Variants in CADPS observed in about 807,000 individuals in gnomAD.
CADPS encodes the protein calcium dependent secretion activator.
CADPS carries 57 observed loss-of-function variants against 167.3 expected under a neutral mutation model. The ratio of observed to expected loss-of-function variants is 0.34; its 90% confidence interval spans 0.28 to 0.42. The LOEUF (loss-of-function observed/expected upper bound fraction) is 0.42, where lower values mean the gene tolerates loss of function less well. CADPS is among the 20% of genes least tolerant of loss of function. The probability of loss-of-function intolerance (pLI) is 1.00; values close to 1 mark genes in which losing one functional copy is unlikely to be tolerated. For synonymous variants in CADPS, 676 were observed against 635.3 expected (o/e 1.06, Z -0.96); for missense variants, 1,414 against 1,738.1 (o/e 0.81, Z 3.32).
chr3:62,475,820 T>A lies in CADPS; in HGVS notation c.3330-1500A>T, dbSNP rs186154537. ...TGAGTTGGACAGGTCCCTGTGCTGA[T>A]CTTCTGAGGCTTGTGTGCCAGTTCC... On this transcript the variant is annotated intron_variant, in intron 23 of 29. Coordinates refer to ENST00000383710, the MANE Select transcript of CADPS (RefSeq NM_003716.4). 4.0e-3 allele frequency among the ~76,000 whole-genome samples: 607 copies of A among 152,248 alleles called. 5 individuals carry two copies. The highest frequency in any genetic ancestry group is 0.014 in the African/African-American group (566 of 41,554).
intron 28 of CADPS, among the ~76,000 whole-genome samples, chr3:62,435,666 A>ATT (rs2054858893): frequency 6.6e-6 from 1 of 151,720 alleles, no homozygotes; most frequent in Non-Finnish European, 1.5e-5. Flanking sequence ...GCTCCTGAAA[A>ATT]ATTTTTTTTT....
At chr3:62,736,304 A>G (rs1282216167) in intron 3 of CADPS, among the ~76,000 whole-genome samples, 1 of 152,216 alleles carries the variant, frequency 6.6e-6, no homozygotes, top group Non-Finnish European at 1.5e-5. Context: ...GCACGACCTG[A>G]TACCATTTCC....
intron 4 of CADPS, among the ~76,000 whole-genome samples, chr3:62,657,204 T>C (rs2071850615): frequency 6.6e-6 from 1 of 152,182 alleles, no homozygotes; most frequent in African/African-American, 2.4e-5. Context: ...GGATATTATT[T>C]CTTACTGATA....
At chr3:62,811,241 TCTC>T (rs1361681947) in intron 1 of CADPS, among the ~76,000 whole-genome samples, 3 of 151,912 alleles carry the variant, frequency 2.0e-5, no homozygotes, top group Admixed American at 6.6e-5. Context: ...TTAATTGCTC[TCTC>T]CTCTTTTTTC....
intron 1 of CADPS, among the ~76,000 whole-genome samples, chr3:62,825,085 T>C (rs188581469): frequency 2.1e-3 from 314 of 152,320 alleles, no homozygotes; most frequent in Non-Finnish European, 2.8e-3. Flanking sequence ...ACTTGTCATA[T>C]ATGCTTGATA....
intron 6 of CADPS, among the ~76,000 whole-genome samples, chr3:62,624,508 A>T (rs887226341): frequency 2.0e-5 from 3 of 152,018 alleles, no homozygotes; most frequent in Non-Finnish European, 4.4e-5. Context: ...TTTTAAAAAA[A>T]CCTATTCCAA....
chr3:62,444,048 T>C (rs1671319927), intron 27 of CADPS, among the ~76,000 whole-genome samples: 1 of 152,188 alleles, frequency 6.6e-6, no homozygotes, highest in South Asian at 2.1e-4. Flanking sequence ...TGTGGTTCAA[T>C]CTAACATAAC....
chr3:62,583,676 T>TCTCCAGCTCACAGGTGACCTTTGCTTC (rs2083947348), intron 8 of CADPS, among the ~76,000 whole-genome samples: 1 of 152,168 alleles, frequency 6.6e-6, no homozygotes, highest in African/African-American at 2.4e-5. Flanking sequence ...GAGTCACTGG[T>TCTCCAGCTCACAGGTGACCTTTGCTTC]CTCCAGCTCA....
chr3:62,690,159 A>C (rs1274644341), intron 3 of CADPS, among the ~76,000 whole-genome samples: 1 of 151,950 alleles, frequency 6.6e-6, no homozygotes, highest in Admixed American at 6.6e-5. Context: ...AAGATCTGTC[A>C]ACAATGCTGG....
intron 6 of CADPS, among the ~76,000 whole-genome samples, chr3:62,619,905 T>C (rs1312279922): frequency 6.6e-6 from 1 of 152,156 alleles, no homozygotes; most frequent in Non-Finnish European, 1.5e-5. Flanking sequence ...TTATTATTTG[T>C]GGACAGAGGC....
In CADPS at chr3:62,731,805, C is replaced by CAAAAAAAAAAAAAAAAAAAAAAAAAAA. The variant is rs1212456893; in HGVS notation, c.888+21635_888+21636insTTTTTTTTTTTTTTTTTTTTTTTTTTT. Among the ~76,000 whole-genome samples, 60 of 27,134 alleles carry CAAAAAAAAAAAAAAAAAAAAAAAAAAA rather than the reference C, an allele frequency of 2.2e-3. 4 individuals carry two copies. The highest frequency in any genetic ancestry group is 3.1e-3 in the African/African-American group (19 of 6,092). 17.8% of individuals were successfully genotyped at this position (27,134 alleles called of 152,430 possible). A position where few individuals can be genotyped will look rare whatever the true frequency, so the allele number is the denominator to read the frequency against. On this transcript the variant is annotated intron_variant, in intron 3 of 29. Coordinates refer to ENST00000383710, the MANE Select transcript of CADPS (RefSeq NM_003716.4). ...CCTGGTGAAAGAAACTGATCATATG[C>CAAAAAAAAAAAAAAAAAAAAAAAAAAA]AAAAAAAAAAAAAAAAAAAAAAAAA...
intron 1 of CADPS, among the ~76,000 whole-genome samples, chr3:62,846,840 G>T (rs1052077356): frequency 6.6e-6 from 1 of 151,932 alleles, no homozygotes; most frequent in Non-Finnish European, 1.5e-5. Context: ...AAAAATTTTT[G>T]TATTTTTAGT....
intron 6 of CADPS, among the ~76,000 whole-genome samples, chr3:62,636,587 G>T (rs1011023598): frequency 1.6e-4 from 25 of 152,328 alleles, no homozygotes; most frequent in African/African-American, 5.8e-4. Flanking sequence ...ACATCCATCT[G>T]CACCTTTATA....
At chr3:62,528,737 G>C (rs1196068645) in intron 13 of CADPS, among the ~76,000 whole-genome samples, 1 of 152,340 alleles carries the variant, frequency 6.6e-6, no homozygotes, top group Admixed American at 6.5e-5. Flanking sequence ...TCCTGATGTA[G>C]TGCAAAAGGA....
At chr3:62,742,181 G>T (rs1474277593) in intron 3 of CADPS, among the ~76,000 whole-genome samples, 1 of 152,122 alleles carries the variant, frequency 6.6e-6, no homozygotes, top group Non-Finnish European at 1.5e-5. Flanking sequence ...AATCAATATT[G>T]TTAAAATGGT....
At position 62,795,469 on chromosome 3, in the gene CADPS, A is replaced by T. The variant is rs144904928; in HGVS notation, c.442-29485T>A. Among the ~76,000 whole-genome samples, 14 of 152,280 alleles carry T rather than the reference A, an allele frequency of 9.2e-5. No individual in the cohort carries two copies. In the East Asian group the frequency reaches 2.7e-3, roughly 29 times the overall value. On this transcript the variant is annotated intron_variant, in intron 1 of 29. Coordinates refer to ENST00000383710, the MANE Select transcript of CADPS (RefSeq NM_003716.4). ...GTGACACTCAATAAACATTAAATCA[A>T]CAAATACATAAATTTGCTTCTCCTT...
At chr3:62,489,529 A>G (rs1158144956) in intron 21 of CADPS, among the ~76,000 whole-genome samples, 2 of 152,224 alleles carry the variant, frequency 1.3e-5, no homozygotes, top group Admixed American at 1.3e-4. Flanking sequence ...GTTCCATGAC[A>G]ATTCTCAGAC....
At chr3:62,864,494 C>T (rs1209461882) in intron 1 of CADPS, among the ~76,000 whole-genome samples, 2 of 152,088 alleles carry the variant, frequency 1.3e-5, no homozygotes, top group Non-Finnish European at 2.9e-5. Context: ...CCTTCTGAGG[C>T]GTAAGAATCT....
intron 10 of CADPS, 88 bp from the exon 11 acceptor site, chr3:62,550,203 CT>C: frequency 9.7e-7 from 1 of 1,033,612 alleles, no homozygotes; most frequent in South Asian, 1.4e-5. Context: ...GTTTCTGCTG[CT>C]TTTCCTTGGG....
Sources: allele counts gnomAD v4.1 joint callset (sites outside exome capture counted in the v4.1 genomes callset), GRCh38; gene constraint gnomAD v4.1.1; transcripts MANE v1.5; gene names NCBI Gene and HGNC (gene_info 2026-07-23, HGNC 2026-07-21).